AMPH: variants seen among roughly 807,000 people sequenced by gnomAD.
AMPH encodes amphiphysin (Stiff-Mann syndrome with breast cancer 128kD autoantigen).
AMPH carries 49 observed loss-of-function variants against 99.1 expected under a neutral mutation model. The observed-to-expected ratio is 0.49, with a 90% CI of 0.39 to 0.63. The LOEUF is 0.63. AMPH is among the 20% of genes least tolerant of loss of function. The pLI, the probability that AMPH is intolerant of heterozygous loss-of-function variation, is 0.00. For synonymous variants in AMPH, 314 were observed against 317.3 expected, an observed-to-expected ratio of 0.99 and a Z score of 0.11; for missense variants, 759 against 863.4, an observed-to-expected ratio of 0.88 and a Z score of 1.52.
intron 1 of AMPH, among the ~76,000 whole-genome samples, chr7:38,615,884 C>T (rs961311826): frequency 1.3e-4 from 20 of 152,182 alleles, no homozygotes; most frequent in African/African-American, 4.6e-4. Context: ...TCAGTGCAGC[C>T]AGATGGCAGA....
At chr7:38,422,533 C>A in intron 15 of AMPH, 56 bp from the exon 16 acceptor site, 1 of 1,352,370 alleles carries the variant, frequency 7.4e-7, no homozygotes. Context: ...AAATCAGCTA[C>A]CATCAATTGT....
chr7:38,603,114 A>G (rs1584294038), intron 1 of AMPH, among the ~76,000 whole-genome samples: 1 of 152,002 alleles, frequency 6.6e-6, no homozygotes, highest in African/African-American at 2.4e-5. Flanking sequence ...TCAGGAGTTC[A>G]AGACCAGCCT....
chr7:38,558,321 C>A (rs1031039436), intron 1 of AMPH, among the ~76,000 whole-genome samples: 4 of 152,204 alleles, frequency 2.6e-5, no homozygotes, highest in Non-Finnish European at 5.9e-5. Flanking sequence ...TTCTGCACCA[C>A]CCACAGGCGA....
intron 11 of AMPH, among the ~76,000 whole-genome samples, chr7:38,451,409 TACAC>T (rs1787030145): frequency 7.3e-6 from 1 of 137,066 alleles, no homozygotes; most frequent in Non-Finnish European, 1.5e-5. Flanking sequence ...CGTGTGTATA[TACAC>T]ACATACATGA....
At chr7:38,424,386 T>G (rs1029697473) in intron 15 of AMPH, among the ~76,000 whole-genome samples, 4 of 152,204 alleles carry the variant, frequency 2.6e-5, no homozygotes, top group African/African-American at 4.8e-5. Flanking sequence ...AAAATGATTA[T>G]TAATACCTTC....
chr7:38,576,292 G>A (rs932924752), intron 1 of AMPH, among the ~76,000 whole-genome samples: 4 of 152,070 alleles, frequency 2.6e-5, no homozygotes, highest in African/African-American at 4.8e-5. Flanking sequence ...TGAGCTCCAC[G>A]ACTCATGCTT....
At chr7:38,421,082 C>T (rs369319923) in intron 16 of AMPH, 1 of 456,438 alleles carries the variant, frequency 2.2e-6, no homozygotes. Flanking sequence ...AGCTAAGTTC[C>T]CCATGGAAAG....
At chr7:38,582,614 G>A (rs1440892851) in intron 1 of AMPH, among the ~76,000 whole-genome samples, 1 of 152,180 alleles carries the variant, frequency 6.6e-6, no homozygotes, top group Non-Finnish European at 1.5e-5. Flanking sequence ...TCTAATATGG[G>A]AAATACTAAT....
intron 2 of AMPH, among the ~76,000 whole-genome samples, chr7:38,532,267 T>C (rs906701913): frequency 2.0e-5 from 3 of 152,144 alleles, no homozygotes; most frequent in East Asian, 1.9e-4. Flanking sequence ...ATAATGATTA[T>C]AAACTTTCTT....
intron 1 of AMPH, among the ~76,000 whole-genome samples, chr7:38,596,812 C>T (rs1307248208): frequency 1.3e-5 from 2 of 152,138 alleles, no homozygotes; most frequent in African/African-American, 4.8e-5. Context: ...ACCTTCAGGC[C>T]ACTGCCAGCA....
intron 1 of AMPH, among the ~76,000 whole-genome samples, chr7:38,550,730 T>C (rs1458751149): frequency 1.3e-5 from 2 of 152,194 alleles, no homozygotes; most frequent in African/African-American, 4.8e-5. Context: ...AATGTCTATT[T>C]AAGCAGAGGA....
intron 12 of AMPH, among the ~76,000 whole-genome samples, chr7:38,433,659 A>G (rs1786130986): frequency 1.3e-5 from 1 of 77,670 alleles, no homozygotes; most frequent in Non-Finnish European, 2.3e-5. Flanking sequence ...CGGGAGGCGG[A>G]GCTTGCAGTG....
chr7:38,565,301 G>C (rs183361924), intron 1 of AMPH, among the ~76,000 whole-genome samples: 69 of 152,178 alleles, frequency 4.5e-4, no homozygotes, highest in Non-Finnish European at 8.4e-4. Flanking sequence ...TGTGTATAAT[G>C]GTTTGCTAGG....
At chr7:38,551,161 G>A (rs1477399936) in intron 1 of AMPH, among the ~76,000 whole-genome samples, 3 of 152,090 alleles carry the variant, frequency 2.0e-5, no homozygotes, top group Non-Finnish European at 2.9e-5. Flanking sequence ...ATTACAAGCA[G>A]GGGATTTTAA....
At chr7:38,556,855 C>G (rs564252753) in intron 1 of AMPH, among the ~76,000 whole-genome samples, 1 of 152,174 alleles carries the variant, frequency 6.6e-6, no homozygotes, top group South Asian at 2.1e-4. Flanking sequence ...GTGGGAGGGA[C>G]GGAGGATGGC....
chr7:38,561,719 C>T (rs1157774075), intron 1 of AMPH, among the ~76,000 whole-genome samples: 1 of 152,106 alleles, frequency 6.6e-6, no homozygotes, highest in African/African-American at 2.4e-5. Flanking sequence ...GAGATGGGGC[C>T]TCTGGGAGGC....
At position 38,383,907 on chromosome 7, in the gene AMPH, GC is replaced by G; in HGVS notation, c.*910del. 1 of 152,730 alleles carries G rather than the reference GC, an allele frequency of 6.5e-6. No homozygotes were observed. The highest frequency in any genetic ancestry group is 2.4e-5 in the African/African-American group (1 of 41,568). The allele number at this position is 152,730 out of a possible 1,614,324, so 9.5% of individuals were successfully genotyped here. A position where few individuals can be genotyped will look rare whatever the true frequency, so the allele number is the denominator to read the frequency against. The stretch of plus-strand genomic sequence containing the variant: ...TGTTCTTTTGGGGGTAGATGAATAT[GC>G]CCCATCTTTCTACCCAATCTCATAA... On this transcript the variant is annotated 3_prime_UTR_variant, in exon 21 of 21. Coordinates refer to ENST00000356264, the MANE Select transcript of AMPH (RefSeq NM_001635.4).
intron 11 of AMPH, among the ~76,000 whole-genome samples, chr7:38,437,962 A>G (rs1786352379): frequency 6.6e-6 from 1 of 152,176 alleles, no homozygotes; most frequent in African/African-American, 2.4e-5. Flanking sequence ...CCCCATATAT[A>G]CTTTTTAAAA....
chr7:38,386,889 C>G (rs1186957561), intron 20 of AMPH, among the ~76,000 whole-genome samples: 1 of 152,174 alleles, frequency 6.6e-6, no homozygotes, highest in Non-Finnish European at 1.5e-5. Context: ...TGAGGATTAT[C>G]CTCACTCAGT....
Sources: allele counts gnomAD v4.1 joint callset (sites outside exome capture counted in the v4.1 genomes callset), GRCh38; gene constraint gnomAD v4.1.1; transcripts MANE v1.5; gene names NCBI Gene and HGNC (gene_info 2026-07-23, HGNC 2026-07-21).